ZNF793: variants seen among roughly 807,000 people sequenced by gnomAD.
The protein encoded by ZNF793 is zinc finger protein 793.
In ZNF793, 5 loss-of-function variants were observed where a neutral mutation model predicts 12.4. That is an observed-to-expected ratio of 0.40 (90% CI 0.21 to 0.84). The LOEUF (loss-of-function observed/expected upper bound fraction) is 0.84, where lower values mean the gene tolerates loss of function less well. Ranked by LOEUF, ZNF793 falls within the 40% of genes least tolerant of loss-of-function variation. The probability of loss-of-function intolerance (pLI) is 0.35; values close to 1 mark genes in which losing one functional copy is unlikely to be tolerated. For missense variants in ZNF793, 456 were observed against 495.0 expected (o/e 0.92, Z 0.75); for synonymous variants, 162 against 172.4 (o/e 0.94, Z 0.47).
In ZNF793 at chr19:37,539,609, A is replaced by C. The variant is rs1275664060; in HGVS notation, c.*1730A>C. The C allele has an allele frequency of 6.6e-6, 1 of 152,224 alleles. No homozygotes were observed. The highest frequency in any genetic ancestry group is 1.9e-4 in the East Asian group (1 of 5,198). 9.4% of individuals were successfully genotyped at this position (152,224 alleles called of 1,614,324 possible). A position where few individuals can be genotyped will look rare whatever the true frequency, so the allele number is the denominator to read the frequency against. ...CTCCATGTAAGACTGCCTGATCCAG[A>C]ATGAGAAAGGAGACATAACCACAGA... On this transcript the variant is annotated 3_prime_UTR_variant, in exon 8 of 8. Transcript: ENST00000627814.
chr19:37,510,120 G>A (rs2042281540), intron 2 of ZNF793, among the ~76,000 whole-genome samples: 2 of 152,076 alleles, frequency 1.3e-5, no homozygotes, highest in African/African-American at 4.8e-5. Context: ...CAGTGCTTTG[G>A]AAGGCTGGGG....
Position 37,542,454 on chromosome 19 carries a change from T to C in ZNF793, c.*4575T>C, listed in dbSNP as rs545082582. 1.3e-4 allele frequency: 56 copies of C among 416,092 alleles called. No homozygotes were observed. The highest frequency in any genetic ancestry group is 9.9e-4 in the South Asian group (56 of 56,520). The allele number at this position is 416,092 out of a possible 1,614,324, so 25.8% of individuals were successfully genotyped here. ...AAAATATTTATGTCACTTTGGAGAA[T>C]CTTCCCTTAGAAGTAAAAGCTCCAA... is the stretch of plus-strand genomic sequence containing the variant. On this transcript the variant is annotated 3_prime_UTR_variant, in exon 8 of 8. Transcript: ENST00000627814.
intron 2 of ZNF793, 121 bp downstream of exon 2, chr19:37,508,524 G>T (rs2042268081): frequency 6.6e-6 from 1 of 152,142 alleles, no homozygotes; most frequent in Non-Finnish European, 1.5e-5. Flanking sequence ...TGGTCAACAT[G>T]GTGAAACCCT....
chr19:37,511,658 A>G (rs2042295499), intron 2 of ZNF793, among the ~76,000 whole-genome samples: 1 of 152,190 alleles, frequency 6.6e-6, no homozygotes, highest in South Asian at 2.1e-4. Context: ...GCAACAGAAC[A>G]AGACTCTGTC....
chr19:37,512,195 G>C (rs2042299076), intron 2 of ZNF793, among the ~76,000 whole-genome samples: 1 of 152,034 alleles, frequency 6.6e-6, no homozygotes, highest in Non-Finnish European at 1.5e-5. Flanking sequence ...TTTTGGTTTT[G>C]ATTTTAAATA....
chr19:37,521,768 T>C (rs1476278493), intron 3 of ZNF793, among the ~76,000 whole-genome samples: 1 of 152,108 alleles, frequency 6.6e-6, no homozygotes, highest in East Asian at 1.9e-4. Flanking sequence ...AACATTTTAT[T>C]TGGAAATTTT....
Position 37,536,898 on chromosome 19 carries a change from A to C in ZNF793, c.240A>C (p.Glu80Asp). ...EAACPGCHCWEDIWRVNIQRK... is the reference protein window; with the variant it reads ...EAACPGCHCWDDIWRVNIQRK... ...GATGATTCACTGTACTTTCTCCAGA[A>C]GACATCTGGCGAGTTAATATCCAGA... is the stretch of plus-strand genomic sequence containing the variant. Residue 80 changes from glutamate (E) to aspartate (D), a missense_variant and splice_region_variant, in exon 8 of 8, where the codon GAA (glutamate) becomes GAC (aspartate). Physicochemically the swap from Glu to Asp is conservative, Grantham distance 45. Coordinates refer to ENST00000627814, the MANE Select transcript of ZNF793 (RefSeq NM_001013659.3). The C allele has an allele frequency of 6.3e-7, 1 of 1,597,032 alleles. No individual in the cohort carries two copies. The highest frequency in any genetic ancestry group is 8.5e-7 in the Non-Finnish European group (1 of 1,174,332).
Position 37,537,964 on chromosome 19 carries a change from T to C in ZNF793, c.*85T>C. 4 of 1,411,616 alleles carry C rather than the reference T, an allele frequency of 2.8e-6. No homozygotes were observed. The highest frequency in any genetic ancestry group is 3.7e-6 in the Non-Finnish European group (4 of 1,077,502). 87.4% of individuals were successfully genotyped at this position (1,411,616 alleles called of 1,614,324 possible). A position where few individuals can be genotyped will look rare whatever the true frequency, so the allele number is the denominator to read the frequency against. ...TCTCACTTTGTCACCCAGGCTGGAG[T>C]GCAGTGGCGCGATCTCGGCTTACTG... On this transcript the variant is annotated 3_prime_UTR_variant, in exon 8 of 8. Transcript: ENST00000627814.
chr19:37,535,247 C>T (rs754747544), intron 7 of ZNF793: 4 of 152,112 alleles, frequency 2.6e-5, no homozygotes, highest in African/African-American at 9.7e-5. Flanking sequence ...CCGCCTTAGC[C>T]TCCCAAAGTG....
chr19:37,517,582 G>A (rs2042342803), intron 2 of ZNF793, among the ~76,000 whole-genome samples: 1 of 152,138 alleles, frequency 6.6e-6, no homozygotes, highest in Non-Finnish European at 1.5e-5. Flanking sequence ...GGCTAGTCGG[G>A]TCTGTATCTC....
At chr19:37,527,666 T>C (rs1159534833) in intron 5 of ZNF793, among the ~76,000 whole-genome samples, 3 of 152,166 alleles carry the variant, frequency 2.0e-5, no homozygotes, top group African/African-American at 7.2e-5. Context: ...TCACATATAG[T>C]TAGGGAGCAG....
intron 5 of ZNF793, 74 bp downstream of exon 5, chr19:37,523,528 G>GT: frequency 7.0e-7 from 1 of 1,419,514 alleles, no homozygotes; most frequent in South Asian, 1.2e-5. Context: ...GGTGTGCATT[G>GT]TAAGTATGTA....
intron 7 of ZNF793, chr19:37,534,503 C>CA (rs2042488224): frequency 6.6e-6 from 1 of 151,850 alleles, no homozygotes; most frequent in Non-Finnish European, 1.5e-5. Flanking sequence ...CACACTCACA[C>CA]ACACACACAC....
Position 37,537,118 on chromosome 19 carries a change from G to A in ZNF793, c.460G>A (p.Gly154Ser). The change falls in exon 8 of 8, where the codon GGT becomes AGT. Residue 154 changes from glycine (G) to serine (S), a missense_variant. Physicochemically the swap from Gly to Ser is moderately conservative, Grantham distance 56 (BLOSUM62 0). Transcript: ENST00000627814. ...KNLNHNLDLI[G>S]FKRNCAKKQD... ...TTTGAACCATAATTTAGACTTGATT[G>A]GTTTTAAGAGAAACTGTGCAAAAAA... is the stretch of plus-strand genomic sequence containing the variant. 6.2e-7 allele frequency: 1 copy of A among 1,613,246 alleles called. No individual in the cohort carries two copies. The highest frequency in any genetic ancestry group is 8.5e-7 in the Non-Finnish European group (1 of 1,179,478).
rs1302132687 is a variant in ZNF793 at position 37,542,913 on chromosome 19, TG to T, written c.*5039del. On this transcript the variant is annotated 3_prime_UTR_variant, in exon 8 of 8. Transcript: ENST00000627814. ...GGAGGTGGGTAATGCAGGTAGGTTA[TG>T]GGGGAGTCAGGGGTGTAGGGAAAAG... 1 of 152,134 alleles carries T rather than the reference TG, an allele frequency of 6.6e-6. No homozygotes were observed. Among genetic ancestry groups the T allele is most frequent in the African/African-American group, 2.4e-5 (1 of 41,388 alleles). The allele number at this position is 152,134 out of a possible 1,614,324, so 9.4% of individuals were successfully genotyped here. A position where few individuals can be genotyped will look rare whatever the true frequency, so the allele number is the denominator to read the frequency against.
At chr19:37,536,764 C>CACT in intron 7 of ZNF793, 133 bp from the exon 8 acceptor site, 1 of 947,864 alleles carries the variant, frequency 1.1e-6, no homozygotes, top group South Asian at 1.9e-5. Flanking sequence ...ACTCATAGAA[C>CACT]ACTCTTCCCT....
At position 37,537,781 on chromosome 19, in the gene ZNF793, G is replaced by A. The variant is rs1182754764; in HGVS notation, c.1123G>A (p.Ala375Thr). The change falls in exon 8 of 8, where the codon GCT becomes ACT. Residue 375 changes from alanine to threonine, a missense_variant. By Grantham distance (58) the Ala-to-Thr change is moderately conservative. Coordinates refer to ENST00000627814, the MANE Select transcript of ZNF793 (RefSeq NM_001013659.3). ...KPYGCNECGK[A>T]FYQKPNLSRH... ...CTATGGGTGCAATGAATGTGGGAAA[G>A]CTTTCTACCAGAAGCCAAACCTCAG... 2 of 1,614,004 alleles carry A rather than the reference G, an allele frequency of 1.2e-6. No individual in the cohort carries two copies. Among genetic ancestry groups the A allele is most frequent in the Non-Finnish European group, 1.7e-6 (2 of 1,180,002 alleles).
In ZNF793 at chr19:37,540,423, A is replaced by G. The variant is rs934287562; in HGVS notation, c.*2544A>G. 2 of 151,794 alleles carry G rather than the reference A, an allele frequency of 1.3e-5. No homozygotes were observed. Among genetic ancestry groups the G allele is most frequent in the Admixed American group, 6.6e-5 (1 of 15,194 alleles). 9.4% of individuals were successfully genotyped at this position (151,794 alleles called of 1,614,324 possible). On this transcript the variant is annotated 3_prime_UTR_variant, in exon 8 of 8. Transcript: ENST00000627814. ...AGAATGCCAAACCAGTTCAGTTAAT[A>G]GGAAATGCATCAATCAAATTAACAG...
rs775744665 is a variant in ZNF793, at chr19:37,533,311, A to G, written c.146A>G (p.Tyr49Cys). 6.2e-7 allele frequency: 1 copy of G among 1,613,936 alleles called. No individual in the cohort carries two copies. Among genetic ancestry groups the G allele is most frequent in the South Asian group, 1.1e-5 (1 of 91,084 alleles). The change falls in exon 7 of 8, where the codon TAT becomes TGT. Residue 49 changes from tyrosine to cysteine, a missense_variant. Coordinates refer to ENST00000627814, the MANE Select transcript of ZNF793 (RefSeq NM_001013659.3). ...TGCATCAATTTCCCCGGAACAGGTT[A>G]TGAAGGCACCAAACCAGATGTGATC... Reference protein sequence around the residue: ...ETYSNLVSVGYEGTKPDVILR... With the variant: ...ETYSNLVSVGCEGTKPDVILR...
Sources: allele counts gnomAD v4.1 joint callset (sites outside exome capture counted in the v4.1 genomes callset), GRCh38; gene constraint gnomAD v4.1.1; transcripts MANE v1.5; gene names NCBI Gene and HGNC (gene_info 2026-07-23, HGNC 2026-07-21).